LATS2: variants seen among roughly 807,000 people sequenced by gnomAD.
LATS2 encodes the protein large tumor suppressor kinase 2, also known as serine/threonine-protein kinase LATS2.
LATS2 carries 24 observed loss-of-function variants against 76.0 expected under a neutral mutation model. The ratio of observed to expected loss-of-function variants is 0.32; its 90% CI spans 0.23 to 0.44. LATS2 has a LOEUF of 0.44. LATS2 is among the 20% of genes least tolerant of loss of function. The pLI is 1.00. For synonymous variants in LATS2, 692 were observed against 635.4 expected, an observed-to-expected ratio of 1.09 and a Z score of -1.34; for missense variants, 1,286 against 1,481.2, an observed-to-expected ratio of 0.87 and a Z score of 2.16.
chr13:21,044,903 T>C (rs1873010328), intron 2 of LATS2, among the ~76,000 whole-genome samples: 1 of 152,054 alleles, frequency 6.6e-6, no homozygotes, highest in Admixed American at 6.6e-5. Context: ...GCTTTTTATT[T>C]TTTGTAGAGA....
chr13:20,989,249 G>C lies in LATS2; in HGVS notation c.531C>G (p.Gly177=), dbSNP rs1870401200. Reference sequence around the variant, plus strand: ...GCTGGTGGTAGGACGCAAACGAATCGCCGGTTCCTTCGAAGCTGGGCCTCC... The same window carrying C: ...GCTGGTGGTAGGACGCAAACGAATCCCCGGTTCCTTCGAAGCTGGGCCTCC... ...VTRRPSFEGT[G]DSFASYHQLS... The change falls in exon 4 of 8, where the codon GGC becomes GGG. Residue 177 remains glycine, a synonymous_variant. Transcript: ENST00000382592. The C allele has an allele frequency of 6.2e-7, 1 of 1,613,992 alleles. No homozygotes were observed. Among genetic ancestry groups the C allele is most frequent in the South Asian group, 1.1e-5 (1 of 91,092 alleles).
intron 6 of LATS2, 29 bp downstream of exon 6, chr13:20,981,437 T>C (rs1869875233): frequency 6.3e-7 from 1 of 1,597,094 alleles, no homozygotes; most frequent in East Asian, 2.2e-5. Flanking sequence ...GGAGACCTCC[T>C]GCGGGGTGGC....
chr13:21,049,793 G>A (rs1226821484), intron 1 of LATS2, among the ~76,000 whole-genome samples: 1 of 152,082 alleles, frequency 6.6e-6, no homozygotes. Flanking sequence ...GGTTGACTCT[G>A]AGGCTGGAAA....
chr13:21,057,510 A>G (rs1873483955), intron 1 of LATS2, among the ~76,000 whole-genome samples: 1 of 152,224 alleles, frequency 6.6e-6, no homozygotes, highest in Non-Finnish European at 1.5e-5. Context: ...CATACTTTCA[A>G]AATAAAACTA....
chr13:21,039,505 T>C (rs1272917131), intron 2 of LATS2, among the ~76,000 whole-genome samples: 1 of 152,206 alleles, frequency 6.6e-6, no homozygotes, highest in East Asian at 1.9e-4. Context: ...GCCAAATAAA[T>C]ATCCCGAGGA....
intron 3 of LATS2, among the ~76,000 whole-genome samples, chr13:20,990,247 TG>T (rs1323638209): frequency 6.6e-6 from 1 of 152,160 alleles, no homozygotes; most frequent in Non-Finnish European, 1.5e-5. Context: ...CCCTTTGAGC[TG>T]TGCTCTAAGG....
intron 7 of LATS2, among the ~76,000 whole-genome samples, chr13:20,976,885 T>C (rs2138261304): frequency 6.6e-6 from 1 of 152,096 alleles, no homozygotes; most frequent in South Asian, 2.1e-4. Flanking sequence ...AGTTTGGGAG[T>C]TCCTCAAAAA....
At chr13:21,033,272 A>T (rs1872592401) in intron 2 of LATS2, among the ~76,000 whole-genome samples, 1 of 152,056 alleles carries the variant, frequency 6.6e-6, no homozygotes, top group South Asian at 2.1e-4. Context: ...ATGGGAGAGA[A>T]TAGGGGGTAG....
intron 4 of LATS2, among the ~76,000 whole-genome samples, chr13:20,987,193 T>C (rs1279481646): frequency 6.7e-6 from 1 of 148,158 alleles, no homozygotes; most frequent in African/African-American, 2.5e-5. Context: ...AGACTCCGTC[T>C]AAAAATAAAT....
chr13:21,060,216 A>G (rs1873582708), intron 1 of LATS2, among the ~76,000 whole-genome samples: 1 of 152,132 alleles, frequency 6.6e-6, no homozygotes, highest in African/African-American at 2.4e-5. Flanking sequence ...GGTTTGCTCC[A>G]GGCCGCACTC....
rs114143406 is a variant in LATS2 at position 21,035,929 on chromosome 13, T to G, written c.342+9756A>C. 8.5e-3 allele frequency among the ~76,000 whole-genome samples: 1,291 copies of G among 152,292 alleles called. 15 individuals are homozygous for G. Among genetic ancestry groups the G allele is most frequent in the African/African-American group, 0.029 (1,213 of 41,562 alleles). ...CCCCTTTTTTCGGGGAACAGAGTCT[T>G]GCTCTGTCGCCCAGGCTGGAGTGCA... On this transcript the variant is annotated intron_variant, in intron 2 of 7. Coordinates refer to ENST00000382592, the MANE Select transcript of LATS2 (RefSeq NM_014572.3).
At position 20,994,006 on chromosome 13, in the gene LATS2, T is replaced by C. The variant is rs549740977; in HGVS notation, c.343-2602A>G. 1.9e-4 allele frequency among the ~76,000 whole-genome samples: 29 copies of C among 152,342 alleles called. No homozygotes were observed. The South Asian group carries it at 5.6e-3, about 29-fold the overall frequency. ...AGGGTGAATCACCAGCCTGTGCTCA[T>C]TAACCCAGTACCTGTTGACTGCCAA... is the stretch of plus-strand genomic sequence containing the variant. On this transcript the variant is annotated intron_variant, in intron 2 of 7. Coordinates refer to ENST00000382592, the MANE Select transcript of LATS2 (RefSeq NM_014572.3).
chr13:20,999,843 C>T (rs1171386416), intron 2 of LATS2, among the ~76,000 whole-genome samples: 1 of 141,776 alleles, frequency 7.1e-6, no homozygotes, highest in Non-Finnish European at 1.5e-5. Context: ...TGTGGTGAAA[C>T]CTCATCTCTA....
At chr13:21,030,342 C>T (rs1872471119) in intron 2 of LATS2, among the ~76,000 whole-genome samples, 1 of 151,890 alleles carries the variant, frequency 6.6e-6, no homozygotes, top group Non-Finnish European at 1.5e-5. Context: ...GTAATCCCAG[C>T]ACTTTGGGAG....
intron 7 of LATS2, among the ~76,000 whole-genome samples, chr13:20,976,547 AG>A (rs1869632361): frequency 6.6e-6 from 1 of 152,220 alleles, no homozygotes; most frequent in African/African-American, 2.4e-5. Flanking sequence ...GTATTTGAAA[AG>A]GGGTTAGTAC....
Position 20,988,704 on chromosome 13 carries a change from A to G in LATS2, c.1076T>C (p.Leu359Pro). 1 of 1,565,426 alleles carries G rather than the reference A, an allele frequency of 6.4e-7. No individual in the cohort carries two copies. The highest frequency in any genetic ancestry group is 1.2e-5 in the South Asian group (1 of 85,414). Residue 359 changes from leucine to proline, a missense_variant, in exon 4 of 8, where the codon CTG becomes CCG. Transcript: ENST00000382592. ...TPSRNSLNVD[L>P]YELGSTSVQQ... ...GACGGAGGTGCTGCCCAATTCATAC[A>G]GGTCCACGTTGAGGCTGTTCCGCGA...
At position 21,045,914 on chromosome 13, in the gene LATS2, G is replaced by A; in HGVS notation, c.113C>T (p.Pro38Leu). 2 of 1,614,134 alleles carry A rather than the reference G, an allele frequency of 1.2e-6. No homozygotes were observed. The highest frequency in any genetic ancestry group is 1.7e-6 in the Non-Finnish European group (2 of 1,180,020). Residue 38 changes from proline (P) to leucine (L), a missense_variant, in exon 2 of 8, where the codon CCC becomes CTC. This residue lies in a region of LATS2 where 101 missense variants were observed against 141.4 expected (regional missense o/e 0.71). Coordinates refer to ENST00000382592, the MANE Select transcript of LATS2 (RefSeq NM_014572.3). ...GGAAGTGTCACTGTTTGGTCCTGCG[G>A]GTAGCCCCTGAACCGAAGACTTGGA... ...QPSKSSVQGL[P>L]AGPNSDTSLD... is the part of the protein sequence containing the mutation.
intron 2 of LATS2, among the ~76,000 whole-genome samples, chr13:21,026,444 G>A (rs1303400796): frequency 2.0e-5 from 3 of 152,098 alleles, no homozygotes; most frequent in African/African-American, 4.8e-5. Context: ...GTGGTCCCTC[G>A]GGTTTCTTTG....
At chr13:20,975,475 G>T (rs1869572675) in intron 7 of LATS2, 111 bp from the exon 8 acceptor site, 1 of 1,151,878 alleles carries the variant, frequency 8.7e-7, no homozygotes. Flanking sequence ...AATAGGAGAG[G>T]AGTTAGAATA....
Sources: allele counts gnomAD v4.1 joint callset (sites outside exome capture counted in the v4.1 genomes callset), GRCh38; gene constraint gnomAD v4.1.1; regional missense constraint gnomAD v4.1.1; transcripts MANE v1.5; gene names NCBI Gene and HGNC (gene_info 2026-07-23, HGNC 2026-07-21).